The following MYRIP variants were observed in gnomAD, a reference collection of about 807,000 sequenced individuals.
MYRIP encodes the protein myosin VIIA and Rab interacting protein.
In MYRIP, 49 loss-of-function variants were observed where a neutral mutation model predicts 98.0. The observed-to-expected ratio is 0.50, with a 90% CI of 0.40 to 0.63. The LOEUF is 0.63. Ranked by LOEUF, MYRIP falls within the 30% of genes least tolerant of loss-of-function variation. The pLI, the probability that MYRIP is intolerant of heterozygous loss-of-function variation, is 0.00. For missense variants in MYRIP, 1,004 were observed against 1,058.2 expected (o/e 0.95, Z 0.71); for synonymous variants, 404 against 409.5 (o/e 0.99, Z 0.16).
intron 3 of MYRIP, among the ~76,000 whole-genome samples, chr3:40,069,622 C>G (rs1484941469): frequency 2.0e-5 from 3 of 152,094 alleles, no homozygotes; most frequent in African/African-American, 7.2e-5. Context: ...GCAACTATCA[C>G]TTTACTTTCT....
At chr3:39,808,947 T>C (rs2125557555), upstream of MYRIP, 1 of 152,384 alleles carries the variant, frequency 6.6e-6, no homozygotes, top group Non-Finnish European at 1.5e-5. Flanking sequence ...TTTGGGAGAC[T>C]TGGGGGCGCA....
intron 2 of MYRIP, among the ~76,000 whole-genome samples, chr3:39,969,952 G>A (rs572691471): frequency 6.6e-6 from 1 of 152,166 alleles, no homozygotes; most frequent in African/African-American, 2.4e-5. Context: ...CAGGTCCCAG[G>A]CTTTTTTTGG....
intron 3 of MYRIP, among the ~76,000 whole-genome samples, chr3:40,110,883 TG>T (rs1389772975): frequency 4.9e-3 from 3 of 616 alleles, no homozygotes; most frequent in Non-Finnish European, 0.034. Context: ...CATGAAGGGG[TG>T]TGTGTGTGTG....
chr3:40,029,882 A>G (rs1947219267), intron 2 of MYRIP, among the ~76,000 whole-genome samples: 1 of 151,810 alleles, frequency 6.6e-6, no homozygotes, highest in Non-Finnish European at 1.5e-5. Flanking sequence ...CAGCAAAGCA[A>G]GACCCCGTCT....
intron 1 of MYRIP, among the ~76,000 whole-genome samples, chr3:39,875,813 T>A (rs1942973340): frequency 6.6e-6 from 1 of 151,848 alleles, no homozygotes; most frequent in African/African-American, 2.4e-5. Flanking sequence ...AAAATGTATA[T>A]TCTGTTGATT....
chr3:40,007,637 G>A (rs1194983757), intron 2 of MYRIP, among the ~76,000 whole-genome samples: 14 of 152,162 alleles, frequency 9.2e-5, no homozygotes, highest in Non-Finnish European at 2.9e-5. Flanking sequence ...AGACTACAGT[G>A]GGTTCTCCAG....
chr3:39,847,239 C>T (rs1450595265), intron 1 of MYRIP, among the ~76,000 whole-genome samples: 1 of 152,196 alleles, frequency 6.6e-6, no homozygotes, highest in Non-Finnish European at 1.5e-5. Flanking sequence ...TGAAAACTCA[C>T]TAACCCTTTC....
At chr3:39,809,395 C>T (rs1426493255), upstream of MYRIP, among the ~76,000 whole-genome samples, 1 of 149,024 alleles carries the variant, frequency 6.7e-6, no homozygotes, top group Non-Finnish European at 1.5e-5. Context: ...CGGTGCGCCC[C>T]GCCCCTCCCG....
intron 2 of MYRIP, among the ~76,000 whole-genome samples, chr3:39,903,450 G>T (rs570291455): frequency 6.6e-6 from 1 of 152,206 alleles, no homozygotes; most frequent in South Asian, 2.1e-4. Context: ...GTTTTGTGAG[G>T]TTAGGTCTTG....
At chr3:40,017,693 CTTTTTTT>C (rs904657247) in intron 2 of MYRIP, among the ~76,000 whole-genome samples, 5 of 114,750 alleles carry the variant, frequency 4.4e-5, no homozygotes, top group East Asian at 2.6e-4. Context: ...TAATTTACTT[CTTTTTTT>C]TTTTTTTTTT....
intron 2 of MYRIP, among the ~76,000 whole-genome samples, chr3:40,042,193 G>A (rs1469869307): frequency 6.9e-6 from 1 of 144,574 alleles, no homozygotes; most frequent in Non-Finnish European, 1.5e-5. Context: ...CTTATAACAT[G>A]TACAATGTTG....
chr3:40,248,987 A>T (rs1953287031), intron 13 of MYRIP, among the ~76,000 whole-genome samples: 1 of 152,088 alleles, frequency 6.6e-6, no homozygotes, highest in African/African-American at 2.4e-5. Context: ...CATGACTGCC[A>T]CCCCTCAGGG....
intron 2 of MYRIP, among the ~76,000 whole-genome samples, chr3:39,980,321 A>C (rs975733084): frequency 1.3e-5 from 2 of 152,168 alleles, no homozygotes; most frequent in African/African-American, 4.8e-5. Flanking sequence ...TCCCCCATGC[A>C]AATCAGGCAT....
intron 16 of MYRIP, among the ~76,000 whole-genome samples, chr3:40,255,619 C>T (rs1250022788): frequency 6.6e-6 from 1 of 151,968 alleles, no homozygotes; most frequent in Non-Finnish European, 1.5e-5. Context: ...TGAGAGAAAA[C>T]AAGGAGGAAA....
At chr3:40,122,797 GTGGC>G (rs1949431948) in intron 3 of MYRIP, among the ~76,000 whole-genome samples, 2 of 152,154 alleles carry the variant, frequency 1.3e-5, no homozygotes, top group African/African-American at 2.4e-5. Context: ...TGGTAAAAAT[GTGGC>G]AGGCCCTATG....
At chr3:40,026,021 C>A (rs1271380193) in intron 2 of MYRIP, among the ~76,000 whole-genome samples, 1 of 152,100 alleles carries the variant, frequency 6.6e-6, no homozygotes, top group African/African-American at 2.4e-5. Context: ...CTCAAATTTA[C>A]CAGGGTGTGG....
At chr3:39,917,163 G>C (rs1159501366) in intron 2 of MYRIP, among the ~76,000 whole-genome samples, 1 of 151,914 alleles carries the variant, frequency 6.6e-6, no homozygotes, top group Non-Finnish European at 1.5e-5. Context: ...ATTTACAATA[G>C]AGTCAACATA....
intron 1 of MYRIP, among the ~76,000 whole-genome samples, chr3:39,859,977 G>A (rs1599002): frequency 0.49 from 74,206 of 151,998 alleles, 19,585 homozygotes; most frequent in African/African-American, 0.7. Flanking sequence ...CACTCTCACT[G>A]CTTCTATTCA....
At chr3:39,913,876 A>G (rs1266652583) in intron 2 of MYRIP, among the ~76,000 whole-genome samples, 2 of 152,196 alleles carry the variant, frequency 1.3e-5, no homozygotes, top group Non-Finnish European at 2.9e-5. Context: ...TTTTTGTTCC[A>G]CATTCTATGG....
Sources: allele counts gnomAD v4.1 joint callset (sites outside exome capture counted in the v4.1 genomes callset), GRCh38; gene constraint gnomAD v4.1.1; transcripts MANE v1.5; gene names NCBI Gene and HGNC (gene_info 2026-07-23, HGNC 2026-07-21).